DNASE1: variants seen among roughly 807,000 people sequenced by gnomAD.
DNASE1 encodes the protein deoxyribonuclease 1.
In DNASE1, 40 loss-of-function variants were observed where a neutral mutation model predicts 33.9. The observed-to-expected ratio is 1.18, with a 90% CI of 0.92 to 1.54. DNASE1 has a LOEUF of 1.54. Ranked by LOEUF, DNASE1 falls within the 40% of genes most tolerant of loss-of-function variation. The probability of loss-of-function intolerance (pLI) is 0.00; values close to 1 mark genes in which losing one functional copy is unlikely to be tolerated. For missense variants in DNASE1, 518 were observed against 372.6 expected (o/e 1.39, Z -3.21); for synonymous variants, 216 against 160.0 (o/e 1.35, Z -2.64).
intron 1 of DNASE1, among the ~76,000 whole-genome samples, chr16:3,628,839 G>A (rs1477068161): frequency 4.1e-5 from 6 of 146,190 alleles, no homozygotes; most frequent in African/African-American, 1.3e-4. Flanking sequence ...GATTACAGGC[G>A]TGAGCCACCG....
chr16:3,640,574 G>A (rs1039532454), upstream of DNASE1: 2 of 396,832 alleles, frequency 5.0e-6, no homozygotes, highest in African/African-American at 4.1e-5. Context: ...GGTGTTCAGG[G>A]TTCCCTGTTG....
At position 3,635,510 on chromosome 16, in the gene DNASE1, T is replaced by C. The variant is rs531873772; in HGVS notation, c.-1358-5205T>C. On this transcript the variant is annotated intron_variant and NMD_transcript_variant, in intron 1 of 11. Coordinates refer to the DNASE1 transcript ENST00000570769. ...GAAAAGTAAAATATTTTGCCTTCAC[T>C]TATTTATTCTCTAATGCTCTTCCTT... is the stretch of plus-strand genomic sequence containing the variant. 2.0e-5 allele frequency among the ~76,000 whole-genome samples: 3 copies of C among 151,628 alleles called. No individual in the cohort carries two copies. In the South Asian group the frequency reaches 6.3e-4, roughly 32 times the overall value.
chr16:3,662,028 C>T (rs1397284276), downstream of DNASE1: 1 of 1,613,176 alleles, frequency 6.2e-7, no homozygotes, highest in Non-Finnish European at 8.5e-7. Context: ...GCTGTGCGCG[C>T]TCCTCCTGGG....
intron 5 of DNASE1, 61 bp from the exon 6 acceptor site, chr16:3,656,923 TACATAGTTCCAGCTG>T: frequency 6.4e-7 from 1 of 1,573,260 alleles, no homozygotes; most frequent in South Asian, 1.2e-5. Flanking sequence ...ACTGTCATGA[TACATAGTTCCAGCTG>T]ACATGGTGAC....
At chr16:3,651,975 G>T (rs2042350110), upstream of DNASE1, 1 of 152,406 alleles carries the variant, frequency 6.6e-6, no homozygotes, top group East Asian at 1.9e-4. Context: ...GCTCCAGACG[G>T]TTGAAGGCCC....
exon 10 of DNASE1, chr16:3,664,015 A>G (rs371593050): frequency 1.4e-5 from 6 of 415,366 alleles, no homozygotes. Context: ...GTGAGCCGAG[A>G]TCGCACCACT....
chr16:3,657,669 C>T lies in DNASE1; in HGVS notation c.705-51C>T, dbSNP rs191226853. 5.0e-6 allele frequency: 8 copies of T among 1,609,230 alleles called. No homozygotes were observed. The Admixed American group carries it at 8.4e-5, about 17-fold the overall frequency. On this transcript the variant is annotated intron_variant, in intron 7 of 8. Transcript: ENST00000246949. ...AGTTTAGTTCCTGCGGGTGCTGAGC[C>T]AGGCCCATGTGTGAAAGGGGAACCT...
At chr16:3,659,007 T>TTATAGATAATATCATTATATACCCAG (rs1274517254), downstream of DNASE1, 17 of 772,110 alleles carry the variant, frequency 2.2e-5, no homozygotes, top group Non-Finnish European at 2.1e-5. Flanking sequence ...TAATGATCAT[T>TTATAGATAATATCATTATATACCCAG]TATAGATAAT....
intron 1 of DNASE1, among the ~76,000 whole-genome samples, chr16:3,633,026 G>T (rs537065170): frequency 6.6e-6 from 1 of 152,162 alleles, no homozygotes; most frequent in East Asian, 1.9e-4. Context: ...CTTTATTTCT[G>T]TTCATTTTTG....
At chr16:3,637,650 C>T (rs1193106424) in intron 1 of DNASE1, among the ~76,000 whole-genome samples, 1 of 152,144 alleles carries the variant, frequency 6.6e-6, no homozygotes, top group Non-Finnish European at 1.5e-5. Context: ...CCTTTGAGGA[C>T]AGGCCTTGTT....
downstream of DNASE1, chr16:3,658,102 G>A (rs2042819335): frequency 6.2e-7 from 1 of 1,611,076 alleles, no homozygotes; most frequent in Non-Finnish European, 8.5e-7. Context: ...GTCATCTGTG[G>A]TGTCAGTCCT....
rs190706317 is a variant in DNASE1 at position 3,663,275 on chromosome 16, G to T, written c.*5322G>T. The T allele has an allele frequency of 2.5e-3, 2,599 of 1,036,312 alleles. 5 individuals are homozygous for T. The highest frequency in any genetic ancestry group is 3.2e-3 in the Non-Finnish European group (2,331 of 726,446). 64.2% of individuals were successfully genotyped at this position (1,036,312 alleles called of 1,614,324 possible). On this transcript the variant is annotated 3_prime_UTR_variant, in exon 10 of 10. Coordinates refer to the DNASE1 transcript ENST00000407479. ...CTAAACCAGGAGGCACCTTCCTCCAGTCACCAGGGTGCTCCCACAAGGCTC... is the reference window on the plus strand; with the variant it reads ...CTAAACCAGGAGGCACCTTCCTCCATTCACCAGGGTGCTCCCACAAGGCTC...
intron 3 of DNASE1, 42 bp from the exon 4 acceptor site, chr16:3,656,060 C>G: frequency 6.2e-7 from 1 of 1,611,762 alleles, no homozygotes; most frequent in Non-Finnish European, 8.5e-7. Flanking sequence ...GAGGGGTCCC[C>G]TATGGCCCCC....
At chr16:3,661,958 G>T (rs769018281), downstream of DNASE1, 18 of 1,570,128 alleles carry the variant, frequency 1.1e-5, no homozygotes, top group Non-Finnish European at 1.5e-5. Context: ...GAATCCCACA[G>T]GCTGGAAGAG....
intron 1 of DNASE1, among the ~76,000 whole-genome samples, chr16:3,628,919 C>G (rs1383214835): frequency 6.8e-6 from 1 of 147,250 alleles, no homozygotes; most frequent in Non-Finnish European, 1.5e-5. Flanking sequence ...CGCCGGTAAT[C>G]CCAGCACTTT....
chr16:3,616,652 A>T (rs911396831), intron 1 of DNASE1, among the ~76,000 whole-genome samples: 7 of 152,138 alleles, frequency 4.6e-5, no homozygotes, highest in Non-Finnish European at 8.8e-5. Context: ...AAATAAATAA[A>T]TTCATATGTA....
upstream of DNASE1, among the ~76,000 whole-genome samples, chr16:3,639,407 A>G (rs962388122): frequency 1.3e-5 from 2 of 150,942 alleles, no homozygotes; most frequent in Admixed American, 6.6e-5. Flanking sequence ...CCCCACACCA[A>G]CCCCCCGGCT....
intron 1 of DNASE1, among the ~76,000 whole-genome samples, chr16:3,647,145 G>A (rs543490920): frequency 6.6e-6 from 1 of 151,760 alleles, no homozygotes; most frequent in Non-Finnish European, 1.5e-5. Context: ...AATTTTTTGT[G>A]TGTGGTTTCA....
intron 4 of DNASE1, 42 bp downstream of exon 4, chr16:3,656,227 G>A: frequency 3.1e-6 from 5 of 1,593,790 alleles, no homozygotes; most frequent in Non-Finnish European, 3.4e-6. Flanking sequence ...CCTCACCTGG[G>A]AGGGCCCCAA....
Sources: gnomAD v4.1 joint callset for allele counts (sites outside exome capture counted in the v4.1 genomes callset) on GRCh38, gnomAD v4.1.1 for gene constraint, MANE v1.5 for transcripts, NCBI Gene and HGNC (gene_info 2026-07-23, HGNC 2026-07-21) for gene names.